C12orf42: variants seen among roughly 807,000 people sequenced by gnomAD.
C12orf42 encodes the protein chromosome 12 open reading frame 42, also known as uncharacterized protein C12orf42.
C12orf42 carries 25 observed loss-of-function variants against 21.6 expected under a neutral mutation model. That is an observed-to-expected ratio of 1.16 (90% CI 0.84 to 1.62). The LOEUF (loss-of-function observed/expected upper bound fraction) is 1.62. Ranked by LOEUF, C12orf42 falls within the 40% of genes most tolerant of loss-of-function variation. The pLI is 0.00. For synonymous variants in C12orf42, 174 were observed against 175.0 expected (o/e 0.99, Z 0.05); for missense variants, 483 against 459.3 (o/e 1.05, Z -0.47).
At position 103,435,039 on chromosome 12, in the gene C12orf42, C is replaced by T. The variant is rs562938040; in HGVS notation, c.79-33364G>A. Among the ~76,000 whole-genome samples, 183 of 152,206 alleles carry T rather than the reference C, an allele frequency of 1.2e-3. 3 individuals are homozygous for T. The East Asian group carries it at 0.014, about 11-fold the overall frequency. ...GAAGAGAGCAGTGGTTCTCCCAGCA[C>T]GCAGCTGGAGATCTGAGAACAGGCA... is the stretch of plus-strand genomic sequence containing the variant. On this transcript the variant is annotated intron_variant, in intron 2 of 5. Coordinates refer to ENST00000548883, the MANE Select transcript of C12orf42 (RefSeq NM_198521.5).
chr12:103,320,974 A>C (rs1402594198), intron 4 of C12orf42, among the ~76,000 whole-genome samples: 1 of 152,224 alleles, frequency 6.6e-6, no homozygotes, highest in African/African-American at 2.4e-5. Context: ...AGTGCCTAGC[A>C]TGCCACGCTC....
downstream of C12orf42, among the ~76,000 whole-genome samples, chr12:103,263,690 C>A (rs759459564): frequency 1.3e-5 from 2 of 152,184 alleles, no homozygotes; most frequent in Non-Finnish European, 2.9e-5. Flanking sequence ...CATGCCCCTG[C>A]ATCCTACCAT....
chr12:103,099,636 G>A, the C12orf42 span, among the ~76,000 whole-genome samples: 1 of 152,150 alleles, frequency 6.6e-6, no homozygotes, highest in Non-Finnish European at 1.5e-5. Context: ...TCCAAGGAGA[G>A]CAGATTTTTA....
chr12:103,124,730 T>C, the C12orf42 span, among the ~76,000 whole-genome samples: 1 of 152,140 alleles, frequency 6.6e-6, no homozygotes, highest in African/African-American at 2.4e-5. Flanking sequence ...TCCAGATCCT[T>C]GGGTAAACTT....
chr12:103,471,757 C>T (rs1953627379), intron 2 of C12orf42, among the ~76,000 whole-genome samples: 1 of 152,200 alleles, frequency 6.6e-6, no homozygotes, highest in African/African-American at 2.4e-5. Flanking sequence ...ATATATATAA[C>T]TGAAATAAAA....
chr12:103,551,974 T>C, the C12orf42 span, among the ~76,000 whole-genome samples: 1 of 152,212 alleles, frequency 6.6e-6, no homozygotes, highest in Non-Finnish European at 1.5e-5. Flanking sequence ...TATCCAGTCA[T>C]CATGAAATTG....
intron 3 of C12orf42, among the ~76,000 whole-genome samples, chr12:103,397,477 T>C (rs1437079519): frequency 6.6e-6 from 1 of 152,172 alleles, no homozygotes; most frequent in Non-Finnish European, 1.5e-5. Context: ...TATTGTGAAC[T>C]GTGCATGCGA....
chr12:103,302,561 T>A lies in C12orf42; in HGVS notation c.632-2A>T. On this transcript the variant is annotated splice_acceptor_variant, in intron 5 of 5. Transcript: ENST00000548883. LOFTEE classifies it high-confidence loss of function. Reference sequence around the variant, plus strand: ...CAGTGGAAGGTCTGGCGGCAGAACCTGGAAGGCAAAGCAGGAAAGCAGGAC... The same window carrying A: ...CAGTGGAAGGTCTGGCGGCAGAACCAGGAAGGCAAAGCAGGAAAGCAGGAC... The A allele has an allele frequency of 6.2e-7, 1 of 1,601,214 alleles. No individual in the cohort carries two copies. The highest frequency in any genetic ancestry group is 8.5e-7 in the Non-Finnish European group (1 of 1,175,046).
intron 4 of C12orf42, among the ~76,000 whole-genome samples, chr12:103,325,977 G>C (rs566669043): frequency 3.7e-4 from 56 of 152,326 alleles, no homozygotes; most frequent in Non-Finnish European, 7.3e-4. Flanking sequence ...AGACAAGAAA[G>C]AGTACATTGT....
the C12orf42 span, among the ~76,000 whole-genome samples, chr12:103,508,219 A>G: frequency 6.6e-6 from 1 of 152,208 alleles, no homozygotes; most frequent in African/African-American, 2.4e-5. Flanking sequence ...AAAAAGGTTA[A>G]AACATTTAAA....
At chr12:103,472,221 A>AT (rs1953682164) in intron 2 of C12orf42, among the ~76,000 whole-genome samples, 1 of 151,822 alleles carries the variant, frequency 6.6e-6, no homozygotes. Flanking sequence ...TGCCAGGCTA[A>AT]TTTTTTGTAA....
In C12orf42 at chr12:103,329,606, C is replaced by G. The variant is rs189817643; in HGVS notation, c.260-23261G>C. ...CACTTGTGTGTTAAGAATATGGACT[C>G]GGGCCTGCTTAAAAAAAAAAAAAGG... is the stretch of plus-strand genomic sequence containing the variant. On this transcript the variant is annotated intron_variant, in intron 4 of 5. Transcript: ENST00000548883. 2.5e-3 allele frequency among the ~76,000 whole-genome samples: 377 copies of G among 148,640 alleles called. 2 individuals are homozygous for G. Among genetic ancestry groups the G allele is most frequent in the African/African-American group, 8.9e-3 (358 of 40,130 alleles).
chr12:103,109,821 A>T, the C12orf42 span, among the ~76,000 whole-genome samples: 1 of 152,010 alleles, frequency 6.6e-6, no homozygotes, highest in Non-Finnish European at 1.5e-5. Context: ...AAAACATATA[A>T]ATAATTTCAA....
At chr12:103,442,833 T>G (rs1565836271) in intron 2 of C12orf42, among the ~76,000 whole-genome samples, 2 of 152,122 alleles carry the variant, frequency 1.3e-5, no homozygotes, top group Non-Finnish European at 2.9e-5. Context: ...TAAAAAAAAT[T>G]AATTTTTCAA....
the C12orf42 span, among the ~76,000 whole-genome samples, chr12:103,231,388 G>A: frequency 6.6e-6 from 1 of 152,136 alleles, no homozygotes; most frequent in African/African-American, 2.4e-5. Context: ...AGTTTATGAT[G>A]ACATATATCC....
chr12:103,552,550 A>G, the C12orf42 span, among the ~76,000 whole-genome samples: 1 of 152,342 alleles, frequency 6.6e-6, no homozygotes, highest in Non-Finnish European at 1.5e-5. Context: ...AAAAGGAAAT[A>G]TCTCTATGGG....
chr12:103,388,488 C>T (rs1370947123), intron 3 of C12orf42, among the ~76,000 whole-genome samples: 1 of 152,062 alleles, frequency 6.6e-6, no homozygotes, highest in Non-Finnish European at 1.5e-5. Context: ...TCTTCCCCAA[C>T]CTCTTCTTTC....
chr12:103,245,910 G>T (rs546112180), intron 10 of C12orf42, among the ~76,000 whole-genome samples: 71 of 152,160 alleles, frequency 4.7e-4, no homozygotes, highest in Non-Finnish European at 8.8e-4. Flanking sequence ...CAATACAGAG[G>T]TCAGAGGGAA....
chr12:103,419,994 T>C (rs1337234985), intron 2 of C12orf42, among the ~76,000 whole-genome samples: 1 of 152,212 alleles, frequency 6.6e-6, no homozygotes, highest in East Asian at 1.9e-4. Context: ...TAAACAATTA[T>C]TGGCTGTTAT....
Sources: allele counts gnomAD v4.1 joint callset (sites outside exome capture counted in the v4.1 genomes callset), GRCh38; gene constraint gnomAD v4.1.1; transcripts MANE v1.5; gene names NCBI Gene and HGNC (gene_info 2026-07-23, HGNC 2026-07-21).